The following SURF4 variants were observed in gnomAD, a reference collection of about 807,000 sequenced individuals.
SURF4 encodes surfeit 4.
In SURF4, 3 loss-of-function variants were observed where a neutral mutation model predicts 30.0. The observed-to-expected ratio is 0.10, with a 90% CI of 0.05 to 0.26. The LOEUF is 0.26. SURF4 is among the 10% of genes least tolerant of loss of function. The probability of loss-of-function intolerance (pLI) is 1.00; values close to 1 mark genes in which losing one functional copy is unlikely to be tolerated. For missense variants in SURF4, 217 were observed against 350.8 expected, an observed-to-expected ratio of 0.62 and a Z score of 3.05; for synonymous variants, 143 against 139.9, an observed-to-expected ratio of 1.02 and a Z score of -0.16.
chr9:133,375,250 T>G, intron 1 of SURF4: 1 of 985,498 alleles, frequency 1.0e-6, no homozygotes, highest in Non-Finnish European at 1.2e-6. Flanking sequence ...TGGACACTTC[T>G]GGAAGGAGAC....
chr9:133,372,715 C>A, intron 1 of SURF4: 1 of 843,532 alleles, frequency 1.2e-6, no homozygotes, highest in Non-Finnish European at 1.4e-6. Flanking sequence ...TGGTAATCCT[C>A]TATCGGCTTC....
chr9:133,364,035 C>T, intron 5 of SURF4: 2 of 678,388 alleles, frequency 2.9e-6, no homozygotes, highest in South Asian at 3.3e-5. Context: ...TAATCCATAA[C>T]TAAATTCCCA....
intron 1 of SURF4, among the ~76,000 whole-genome samples, chr9:133,368,087 A>G (rs1411485508): frequency 6.6e-6 from 1 of 152,232 alleles, no homozygotes; most frequent in East Asian, 1.9e-4. Context: ...AAATGGCTAT[A>G]TTAAACCCAG....
rs1836938865 is a variant in SURF4 at position 133,363,320 on chromosome 9, T to C, written c.*173A>G. Reference sequence around the variant, plus strand: ...GCCAGACTGTGGCTCCAGAGCAGACTGAGCCATCGATTCTCAGGTGTCTCT... The same window carrying C: ...GCCAGACTGTGGCTCCAGAGCAGACCGAGCCATCGATTCTCAGGTGTCTCT... On this transcript the variant is annotated 3_prime_UTR_variant, in exon 6 of 6. Coordinates refer to ENST00000371989, the MANE Select transcript of SURF4 (RefSeq NM_033161.4). This position sits in a 1 kb window ranked among gnomAD's most constrained non-coding sequence, Gnocchi z 4.3. 9.1e-7 allele frequency: 1 copy of C among 1,099,540 alleles called. No homozygotes were observed. The highest frequency in any genetic ancestry group is 2.6e-5 in the East Asian group (1 of 38,888). The allele number at this position is 1,099,540 out of a possible 1,614,324, so 68.1% of individuals were successfully genotyped here. A position where few individuals can be genotyped will look rare whatever the true frequency, so the allele number is the denominator to read the frequency against.
chr9:133,369,400 C>T (rs2130169262), intron 1 of SURF4, among the ~76,000 whole-genome samples: 2 of 152,180 alleles, frequency 1.3e-5, no homozygotes, highest in African/African-American at 2.4e-5. Flanking sequence ...GACCTGGACA[C>T]GCCCAGTTAC....
At chr9:133,366,560 A>C in intron 3 of SURF4, 39 bp downstream of exon 3, 2 of 1,607,824 alleles carry the variant, frequency 1.2e-6, no homozygotes, top group African/African-American at 2.7e-5. Context: ...GCTCCACCAG[A>C]GCAAAGAGAA....
At chr9:133,375,026 G>A (rs904923565) in intron 1 of SURF4, among the ~76,000 whole-genome samples, 15 of 152,208 alleles carry the variant, frequency 9.9e-5, no homozygotes, top group Non-Finnish European at 1.8e-4. Context: ...TCGACATAAC[G>A]GGATTCTTTT....
upstream of SURF4, among the ~76,000 whole-genome samples, chr9:133,377,802 T>C (rs1200481821): frequency 6.6e-6 from 1 of 152,204 alleles, no homozygotes; most frequent in East Asian, 1.9e-4. Flanking sequence ...GTGCAGTTCA[T>C]TTCTATTATT....
At chr9:133,375,839 C>G in intron 1 of SURF4, 83 bp downstream of exon 1, 3 of 1,195,434 alleles carry the variant, frequency 2.5e-6, no homozygotes, top group Middle Eastern at 3.3e-4. Flanking sequence ...GGGCCTGGCG[C>G]CCTGCGCTGG....
At chr9:133,376,149 C>T, upstream of SURF4, 1 of 1,209,544 alleles carries the variant, frequency 8.3e-7, no homozygotes, top group Non-Finnish European at 1.0e-6. Context: ...GCCGCCCGGG[C>T]CCGCCCCGGT....
At chr9:133,364,018 G>GA (rs1203429325) in intron 5 of SURF4, 2 of 693,934 alleles carry the variant, frequency 2.9e-6, no homozygotes, top group African/African-American at 1.8e-5. Flanking sequence ...TTACCAAGAT[G>GA]AATCTCTAAT....
chr9:133,372,736 AT>A (rs1388569548), intron 1 of SURF4: 5 of 671,574 alleles, frequency 7.4e-6, no homozygotes, highest in Non-Finnish European at 9.2e-6. Context: ...AAATTAGGTC[AT>A]TTTCATGTAA....
rs1306193504 is a variant in SURF4, at chr9:133,361,639, C to T, written c.*1854G>A. 6.4e-6 allele frequency: 1 copy of T among 156,182 alleles called. No homozygotes were observed. The highest frequency in any genetic ancestry group is 1.4e-5 in the Non-Finnish European group (1 of 70,496). The allele number at this position is 156,182 out of a possible 1,614,324, so 9.7% of individuals were successfully genotyped here. A position where few individuals can be genotyped will look rare whatever the true frequency, so the allele number is the denominator to read the frequency against. On this transcript the variant is annotated 3_prime_UTR_variant, in exon 6 of 6. Transcript: ENST00000371989. ...ATTGGTAGATCCCACTTATCCTCCC[C>T]TCCCTGCAAAGGCATCTTCCCGAAT...
At position 133,361,950 on chromosome 9, in the gene SURF4, T is replaced by A. The variant is rs990502022; in HGVS notation, c.*1543A>T. The A allele has an allele frequency of 6.6e-6, 1 of 152,146 alleles. No individual in the cohort carries two copies. The highest frequency in any genetic ancestry group is 1.5e-5 in the Non-Finnish European group (1 of 68,064). 9.4% of individuals were successfully genotyped at this position (152,146 alleles called of 1,614,324 possible). On this transcript the variant is annotated 3_prime_UTR_variant, in exon 6 of 6. Coordinates refer to ENST00000371989, the MANE Select transcript of SURF4 (RefSeq NM_033161.4). ...AGTCTTCATGCAGTGAGCACTTGAATGATCACAGGAGAAGAGAACCCATGT... is the reference window on the plus strand; with the variant it reads ...AGTCTTCATGCAGTGAGCACTTGAAAGATCACAGGAGAAGAGAACCCATGT...
rs2130179521 is a variant in SURF4, at chr9:133,370,518, C to T, written c.49-3073G>A. 3.3e-5 allele frequency among the ~76,000 whole-genome samples: 5 copies of T among 152,320 alleles called. No individual in the cohort carries two copies. In the South Asian group the frequency reaches 1.0e-3, roughly 32 times the overall value. On this transcript the variant is annotated intron_variant, in intron 1 of 5. Transcript: ENST00000371989. ...ACACTGAAAAAGCCACGTTTAAAGACAAGGCCCAACATTAACCTTATTTCC... is the reference window on the plus strand; with the variant it reads ...ACACTGAAAAAGCCACGTTTAAAGATAAGGCCCAACATTAACCTTATTTCC...
intron 1 of SURF4, among the ~76,000 whole-genome samples, chr9:133,372,420 G>A (rs1009063349): frequency 7.2e-5 from 11 of 152,212 alleles, no homozygotes; most frequent in African/African-American, 1.9e-4. Flanking sequence ...AAGCCAGTGC[G>A]GCCAGCCAAC....
At chr9:133,375,481 C>T (rs1169609515) in intron 1 of SURF4, 2 of 939,748 alleles carry the variant, frequency 2.1e-6, no homozygotes, top group Non-Finnish European at 2.5e-6. Flanking sequence ...CCCCGGCCCC[C>T]GTTCGTCCCC....
intron 1 of SURF4, 127 bp downstream of exon 1, chr9:133,375,795 C>T (rs2130241266): frequency 1.3e-5 from 13 of 973,880 alleles, no homozygotes; most frequent in African/African-American, 6.8e-5. Flanking sequence ...GCGGGGGGGT[C>T]CCCCTGTGGG....
intron 1 of SURF4, chr9:133,375,530 A>C: frequency 3.3e-6 from 2 of 609,670 alleles, no homozygotes; most frequent in Non-Finnish European, 2.1e-6. Flanking sequence ...AGTGAGAGGA[A>C]AAACGTGCGG....
Sources: gnomAD v4.1 joint callset for allele counts (sites outside exome capture counted in the v4.1 genomes callset) on GRCh38, gnomAD v4.1.1 for gene constraint, Gnocchi (gnomAD v3.1) non-coding constraint, MANE v1.5 for transcripts, NCBI Gene and HGNC (gene_info 2026-07-23, HGNC 2026-07-21) for gene names.